HOMER1: variants seen among roughly 807,000 people sequenced by gnomAD.
The protein encoded by HOMER1 is homer protein homolog 1.
In HOMER1, 3 loss-of-function variants were observed where a neutral mutation model predicts 48.9. That is an observed-to-expected ratio of 0.06 (90% CI 0.03 to 0.16). The LOEUF (loss-of-function observed/expected upper bound fraction) is 0.16. HOMER1 is among the 10% of genes least tolerant of loss of function. HOMER1 has a pLI of 1.00. For synonymous variants in HOMER1, 134 were observed against 146.4 expected (o/e 0.92, Z 0.61); for missense variants, 247 against 411.4 (o/e 0.60, Z 3.46).
intron 1 of HOMER1, among the ~76,000 whole-genome samples, chr5:79,459,401 T>C (rs1579996813): frequency 6.6e-6 from 1 of 152,242 alleles, no homozygotes; most frequent in Non-Finnish European, 1.5e-5. Flanking sequence ...AGCTATTGTA[T>C]AAGCAAATGC....
At chr5:79,391,195 T>A (rs1225528294) in intron 8 of HOMER1, among the ~76,000 whole-genome samples, 3 of 150,458 alleles carry the variant, frequency 2.0e-5, no homozygotes, top group South Asian at 2.1e-4. Flanking sequence ...TAAAGTGCCA[T>A]GGCACAATCA....
chr5:79,504,806 T>C (rs754651552), intron 1 of HOMER1, among the ~76,000 whole-genome samples: 1 of 152,260 alleles, frequency 6.6e-6, no homozygotes, highest in African/African-American at 2.4e-5. Flanking sequence ...TATATCCAAC[T>C]ATCGGCCTAA....
intron 1 of HOMER1, among the ~76,000 whole-genome samples, chr5:79,477,249 AG>A (rs1459607599): frequency 6.6e-6 from 1 of 152,262 alleles, no homozygotes; most frequent in Non-Finnish European, 1.5e-5. Context: ...GCTGACGTTA[AG>A]AATTAGTTAT....
chr5:79,478,621 C>T (rs1347194888), intron 1 of HOMER1, among the ~76,000 whole-genome samples: 2 of 151,814 alleles, frequency 1.3e-5, no homozygotes, highest in Admixed American at 1.3e-4. Context: ...CCTTAAGTTG[C>T]CTTAAGATGT....
chr5:79,402,164 TTTTC>T (rs1749550206), intron 5 of HOMER1, 109 bp from the exon 6 acceptor site: 27 of 949,580 alleles, frequency 2.8e-5, no homozygotes, highest in African/African-American at 1.2e-4. Context: ...GAATGTTTTC[TTTTC>T]TTTTTTTTTT....
At chr5:79,406,122 TAACACCACA>T (rs1749655929) in intron 5 of HOMER1, among the ~76,000 whole-genome samples, 1 of 152,204 alleles carries the variant, frequency 6.6e-6, no homozygotes, top group African/African-American at 2.4e-5. Flanking sequence ...TAGGTAGTTA[TAACACCACA>T]TCAATTATTT....
chr5:79,491,063 G>C (rs550298277), intron 1 of HOMER1, among the ~76,000 whole-genome samples: 1 of 98,072 alleles, frequency 1.0e-5, no homozygotes, highest in Non-Finnish European at 2.0e-5. Flanking sequence ...TTGGCCTTCA[G>C]TAGTACCAAA....
chr5:79,469,524 A>G (rs1751563081), intron 1 of HOMER1, among the ~76,000 whole-genome samples: 1 of 152,238 alleles, frequency 6.6e-6, no homozygotes, highest in African/African-American at 2.4e-5. Flanking sequence ...CTATAAGCCT[A>G]CCAATGAATA....
intron 5 of HOMER1, among the ~76,000 whole-genome samples, chr5:79,433,561 C>CCA (rs1235003260): frequency 6.6e-6 from 1 of 152,066 alleles, no homozygotes; most frequent in African/African-American, 2.4e-5. Context: ...GAGTGAGACT[C>CCA]CATCTCAAGA....
chr5:79,500,790 A>G (rs1169254371), intron 1 of HOMER1, among the ~76,000 whole-genome samples: 1 of 151,716 alleles, frequency 6.6e-6, no homozygotes, highest in Admixed American at 6.6e-5. Flanking sequence ...ACACACAGCT[A>G]ATTTTTGCAC....
chr5:79,513,097 A>G lies in HOMER1; in HGVS notation c.-323T>C, dbSNP rs116681270. The G allele has an allele frequency of 4.0e-3, 1,517 of 378,606 alleles. 12 individuals are homozygous for G. Among genetic ancestry groups the G allele is most frequent in the African/African-American group, 0.028 (1,303 of 47,262 alleles). The allele number at this position is 378,606 out of a possible 1,614,324, so 23.5% of individuals were successfully genotyped here. A position where few individuals can be genotyped will look rare whatever the true frequency, so the allele number is the denominator to read the frequency against. ...GCAGAATCCGGCTTCACCGAGTCCTATAAAAAATGAGTTCGCTGGTCATTT... is the reference window on the plus strand; with the variant it reads ...GCAGAATCCGGCTTCACCGAGTCCTGTAAAAAATGAGTTCGCTGGTCATTT... On this transcript the variant is annotated 5_prime_UTR_variant, in exon 1 of 9. Coordinates refer to ENST00000334082, the MANE Select transcript of HOMER1 (RefSeq NM_004272.5).
At position 79,408,126 on chromosome 5, in the gene HOMER1, G is replaced by C. The variant is rs1045110717; in HGVS notation, c.528-6071C>G. 9.9e-5 allele frequency among the ~76,000 whole-genome samples: 15 copies of C among 152,054 alleles called. 1 individual carries two copies. The highest frequency in any genetic ancestry group is 3.6e-4 in the African/African-American group (15 of 41,388). ...AACATAAACATAAACCCTACATATA[G>C]GGTTCACTACTATCCATGGTTTCAG... On this transcript the variant is annotated intron_variant, in intron 5 of 8. Coordinates refer to ENST00000334082, the MANE Select transcript of HOMER1 (RefSeq NM_004272.5).
chr5:79,431,749 A>G (rs1258215314), intron 5 of HOMER1, among the ~76,000 whole-genome samples: 4 of 152,240 alleles, frequency 2.6e-5, no homozygotes, highest in Admixed American at 2.0e-4. Flanking sequence ...ACAGAAAACA[A>G]AAGTACAATG....
chr5:79,381,767 C>A (rs1329109540), intron 8 of HOMER1, among the ~76,000 whole-genome samples: 2 of 151,980 alleles, frequency 1.3e-5, no homozygotes, highest in Non-Finnish European at 2.9e-5. Context: ...CACCTGTAAT[C>A]CCAGCTACTC....
chr5:79,506,186 C>T, intron 1 of HOMER1, among the ~76,000 whole-genome samples: 1 of 151,940 alleles, frequency 6.6e-6, no homozygotes, highest in East Asian at 1.9e-4. Context: ...GCAATCTCGG[C>T]TCACTGCAAC....
intron 1 of HOMER1, among the ~76,000 whole-genome samples, chr5:79,457,764 C>A (rs971556071): frequency 6.6e-6 from 1 of 152,132 alleles, no homozygotes; most frequent in African/African-American, 2.4e-5. Flanking sequence ...CAGTATTTTT[C>A]CCTAAGAGCA....
At chr5:79,399,215 C>T (rs920978961) in intron 6 of HOMER1, among the ~76,000 whole-genome samples, 2 of 152,172 alleles carry the variant, frequency 1.3e-5, no homozygotes, top group African/African-American at 4.8e-5. Flanking sequence ...CAAAAGACTG[C>T]AAGAAAGCAG....
chr5:79,460,264 C>T (rs548198127), intron 1 of HOMER1, among the ~76,000 whole-genome samples: 3 of 152,104 alleles, frequency 2.0e-5, no homozygotes, highest in Non-Finnish European at 4.4e-5. Flanking sequence ...CTCACAAGTT[C>T]GAGACCAGCT....
intron 5 of HOMER1, among the ~76,000 whole-genome samples, chr5:79,407,660 G>T (rs1387769836): frequency 6.6e-6 from 1 of 151,986 alleles, no homozygotes; most frequent in South Asian, 2.1e-4. Flanking sequence ...AGAGAAAAAA[G>T]AAAAAGAGTT....
Sources: allele counts gnomAD v4.1 joint callset (sites outside exome capture counted in the v4.1 genomes callset), GRCh38; gene constraint gnomAD v4.1.1; transcripts MANE v1.5; gene names NCBI Gene and HGNC (gene_info 2026-07-23, HGNC 2026-07-21).